The following CYP4F11 variants were observed in gnomAD, a reference collection of about 807,000 sequenced individuals.
CYP4F11 encodes cytochrome P450 4F11.
In CYP4F11, 79 loss-of-function variants were observed where a neutral mutation model predicts 62.2. That is an observed-to-expected ratio of 1.27 (90% CI 1.06 to 1.53). The LOEUF (loss-of-function observed/expected upper bound fraction) is 1.53. CYP4F11 is among the 40% of genes most tolerant of loss of function. The pLI is 0.00. For synonymous variants in CYP4F11, 290 were observed against 263.7 expected (o/e 1.10, Z -0.97); for missense variants, 777 against 680.5 (o/e 1.14, Z -1.58).
chr19:15,924,171 G>A (rs1279654463), intron 5 of CYP4F11, 89 bp from the exon 6 acceptor site: 2 of 1,485,118 alleles, frequency 1.3e-6, no homozygotes, highest in African/African-American at 2.8e-5. Flanking sequence ...TCAGGAAATT[G>A]AGTATCCAGA....
intron 2 of CYP4F11, 130 bp from the exon 3 acceptor site, chr19:15,927,613 G>C (rs1292205947): frequency 7.9e-7 from 1 of 1,260,006 alleles, no homozygotes; most frequent in Non-Finnish European, 1.1e-6. Flanking sequence ...AGAAGGCCAA[G>C]GGTAGAGGAA....
intron 8 of CYP4F11, among the ~76,000 whole-genome samples, chr19:15,919,046 A>G (rs935563687): frequency 1.3e-5 from 2 of 150,414 alleles, no homozygotes; most frequent in East Asian, 1.9e-4. Flanking sequence ...TATATGAAAT[A>G]CATATTTCTA....
Position 15,912,920 on chromosome 19 carries a change from G to A in CYP4F11, c.*812C>T, listed in dbSNP as rs566437464. 2.0e-5 allele frequency: 3 copies of A among 151,036 alleles called. No homozygotes were observed. The highest frequency in any genetic ancestry group is 7.3e-5 in the African/African-American group (3 of 40,964). The allele number at this position is 151,036 out of a possible 1,614,324, so 9.4% of individuals were successfully genotyped here. A position where few individuals can be genotyped will look rare whatever the true frequency, so the allele number is the denominator to read the frequency against. On this transcript the variant is annotated 3_prime_UTR_variant, in exon 12 of 12. Coordinates refer to ENST00000402119, the MANE Select transcript of CYP4F11 (RefSeq NM_021187.4). ...CCTTTAAAGTCGTGGTAGAAATAAC[G>A]ATCTTGAAAGACAACATTCTTTAAC...
Position 15,914,613 on chromosome 19 carries a change from G to T in CYP4F11, c.1303C>A (p.Pro435Thr). ...IGIHYNPTVW[P>T]DPEVYDPFRF... ...GAGGGAGGCACTACCTCAGGGTCTG[G>T]CCACACAGTTGGGTTGTAATGGATC... The change falls in exon 10 of 12, where the codon CCA becomes ACA. Residue 435 changes from proline to threonine, a missense_variant. Transcript: ENST00000402119. The T allele has an allele frequency of 6.2e-7, 1 of 1,614,214 alleles. No homozygotes were observed. Among genetic ancestry groups the T allele is most frequent in the East Asian group, 2.2e-5 (1 of 44,884 alleles).
At chr19:15,915,036 G>GA (rs1437825025) in intron 8 of CYP4F11, 141 bp from the exon 9 acceptor site, 4 of 1,364,482 alleles carry the variant, frequency 2.9e-6, no homozygotes, top group South Asian at 3.6e-5. Context: ...TTAAAAAGCA[G>GA]AAAAAAATTA....
Position 15,934,376 on chromosome 19 carries a change from G to A in CYP4F11, c.33C>T (p.Leu11=), listed in dbSNP as rs148250072. 2.5e-6 allele frequency: 4 copies of A among 1,613,158 alleles called. No homozygotes were observed. Among genetic ancestry groups the A allele is most frequent in the South Asian group, 2.2e-5 (2 of 91,034 alleles). ...GCCACGGGGATGCTGCCACGGGCCCGAGGCCCAGCCAGGACAGGCTCAGCT... is the reference window on the plus strand; with the variant it reads ...GCCACGGGGATGCTGCCACGGGCCCAAGGCCCAGCCAGGACAGGCTCAGCT... MPQLSLSWLG[L]GPVAASPWLL... The change falls in exon 1 of 12, where the codon CTC becomes CTT. Residue 11 remains leucine, a synonymous_variant. Transcript: ENST00000402119.
At chr19:15,927,145 G>C (rs2089674789) in intron 4 of CYP4F11, 67 bp downstream of exon 4, 5 of 1,561,868 alleles carry the variant, frequency 3.2e-6, no homozygotes, top group Non-Finnish European at 4.3e-6. Flanking sequence ...CAAAATTCCA[G>C]AGCAGATATG....
At chr19:15,916,200 A>C (rs1376311006) in intron 8 of CYP4F11, among the ~76,000 whole-genome samples, 1 of 152,180 alleles carries the variant, frequency 6.6e-6, no homozygotes, top group Non-Finnish European at 1.5e-5. Flanking sequence ...ACACATATCA[A>C]TCACATATTC....
chr19:15,923,109 T>C (rs1372691885), intron 6 of CYP4F11, among the ~76,000 whole-genome samples: 2 of 152,200 alleles, frequency 1.3e-5, no homozygotes, highest in South Asian at 4.1e-4. Context: ...TTGCTCACAT[T>C]CTAGAGTGGT....
intron 8 of CYP4F11, among the ~76,000 whole-genome samples, chr19:15,920,855 C>T (rs545437894): frequency 6.6e-6 from 1 of 152,146 alleles, no homozygotes; most frequent in Non-Finnish European, 1.5e-5. Context: ...CATCATGACT[C>T]AGTTTCTCCC....
chr19:15,924,585 C>T (rs1278322757), intron 5 of CYP4F11, among the ~76,000 whole-genome samples, 176 bp downstream of exon 5: 1 of 152,190 alleles, frequency 6.6e-6, no homozygotes, highest in African/African-American at 2.4e-5. Context: ...CCCCTGTCTA[C>T]TTCCACAACC....
chr19:15,923,768 A>T (rs201872152), intron 6 of CYP4F11, 44 bp downstream of exon 6: 1 of 1,581,744 alleles, frequency 6.3e-7, no homozygotes, highest in Non-Finnish European at 8.6e-7. Context: ...CAGAGGCATA[A>T]ATCTCCACTC....
chr19:15,923,459 A>G (rs2089644979), intron 6 of CYP4F11, among the ~76,000 whole-genome samples: 1 of 152,246 alleles, frequency 6.6e-6, no homozygotes, highest in African/African-American at 2.4e-5. Flanking sequence ...CAGCTCTACA[A>G]TCCTACTCTG....
chr19:15,925,933 G>A (rs1243507850), intron 4 of CYP4F11, among the ~76,000 whole-genome samples: 2 of 151,830 alleles, frequency 1.3e-5, no homozygotes, highest in South Asian at 2.1e-4. Context: ...GGGAGGCCAA[G>A]GCAGGTGGAT....
At chr19:15,921,895 T>TATTAAGCCCTGC (rs2089632016) in intron 8 of CYP4F11, 142 bp downstream of exon 8, 3 of 1,088,710 alleles carry the variant, frequency 2.8e-6, no homozygotes, top group Non-Finnish European at 3.7e-6. Context: ...CCTGGCTGTG[T>TATTAAGCCCTGC]ATTAAGCCCT....
chr19:15,914,606 G>A lies in CYP4F11; in HGVS notation c.1310C>T (p.Pro437Leu), dbSNP rs751917884. ...GTGGGGTGAGGGAGGCACTACCTCA[G>A]GGTCTGGCCACACAGTTGGGTTGTA... ...IHYNPTVWPD[P>L]EVYDPFRFDQ... Residue 437 changes from proline to leucine, a missense_variant, in exon 10 of 12, where the codon CCT becomes CTT. Pro to Leu is a moderately conservative substitution (Grantham distance 98, BLOSUM62 -3). Transcript: ENST00000402119. 1 of 1,614,088 alleles carries A rather than the reference G, an allele frequency of 6.2e-7. No homozygotes were observed. The highest frequency in any genetic ancestry group is 1.3e-5 in the African/African-American group (1 of 74,944).
chr19:15,920,543 AC>A (rs1326026521), intron 8 of CYP4F11, among the ~76,000 whole-genome samples: 1 of 152,166 alleles, frequency 6.6e-6, no homozygotes, highest in African/African-American at 2.4e-5. Flanking sequence ...ATGTTTCTCC[AC>A]CTTACAGGAC....
chr19:15,931,745 G>A (rs200713383), intron 1 of CYP4F11, among the ~76,000 whole-genome samples: 2 of 41,984 alleles, frequency 4.8e-5, no homozygotes, highest in Non-Finnish European at 8.2e-5. Flanking sequence ...AGTGAGTGAG[G>A]AGAGGAATGA....
rs575021689 is a variant in CYP4F11, at chr19:15,919,760, C to G, written c.1115+2277G>C. On this transcript the variant is annotated intron_variant, in intron 8 of 11. Coordinates refer to ENST00000402119, the MANE Select transcript of CYP4F11 (RefSeq NM_021187.4). The stretch of plus-strand genomic sequence containing the variant: ...CTCAGTCTTTAAAATGAAAAGAATC[C>G]TGTCGTTGGTGACAATATGGATGAT... Among the ~76,000 whole-genome samples, 3 of 152,218 alleles carry G rather than the reference C, an allele frequency of 2.0e-5. 1 individual carries two copies. The South Asian group carries it at 6.2e-4, about 32-fold the overall frequency.
Sources: allele counts gnomAD v4.1 joint callset (sites outside exome capture counted in the v4.1 genomes callset), GRCh38; gene constraint gnomAD v4.1.1; transcripts MANE v1.5; gene names NCBI Gene and HGNC (gene_info 2026-07-23, HGNC 2026-07-21).